Variants in RSPH1 observed in about 807,000 individuals in gnomAD.
The protein encoded by RSPH1 is radial spoke head 1 homolog.
Under a neutral mutation model 44.2 loss-of-function variants are expected in RSPH1, and 32 were observed. The ratio of observed to expected loss-of-function variants is 0.72; its 90% CI spans 0.55 to 0.97. The LOEUF is 0.97. Among genes scored for constraint, RSPH1 ranks in the 50% least tolerant of loss-of-function variants. RSPH1 has a pLI of 0.00. For synonymous variants in RSPH1, 134 were observed against 147.3 expected (o/e 0.91, Z 0.65); for missense variants, 391 against 398.7 (o/e 0.98, Z 0.16).
chr21:42,479,248 G>A (rs904098439), intron 6 of RSPH1, among the ~76,000 whole-genome samples: 1 of 152,194 alleles, frequency 6.6e-6, no homozygotes, highest in Non-Finnish European at 1.5e-5. Flanking sequence ...AGGCCCTTCT[G>A]TTCCACCACC....
chr21:42,492,613 A>C (rs965718936), intron 3 of RSPH1, 145 bp downstream of exon 3: 17 of 609,592 alleles, frequency 2.8e-5, no homozygotes, highest in African/African-American at 2.8e-4. Context: ...AACACTGTGA[A>C]TATAGTAACA....
At chr21:42,473,820 G>A (rs750013017) in intron 8 of RSPH1, among the ~76,000 whole-genome samples, 10 of 152,090 alleles carry the variant, frequency 6.6e-5, no homozygotes, top group African/African-American at 1.2e-4. Context: ...ATTCAGCACC[G>A]TCCCCGGCCT....
At chr21:42,494,231 AT>A (rs1202231253) in intron 1 of RSPH1, among the ~76,000 whole-genome samples, 1 of 152,230 alleles carries the variant, frequency 6.6e-6, no homozygotes, top group East Asian at 1.9e-4. Context: ...ATCACACTGT[AT>A]TTCTTAAATA....
At chr21:42,482,173 G>A (rs905908257) in intron 6 of RSPH1, among the ~76,000 whole-genome samples, 4 of 152,062 alleles carry the variant, frequency 2.6e-5, no homozygotes, top group East Asian at 3.9e-4. Flanking sequence ...AAACTCCGCC[G>A]CCCAGGTTTA....
chr21:42,478,899 T>C (rs560047753), intron 6 of RSPH1, among the ~76,000 whole-genome samples: 1 of 152,318 alleles, frequency 6.6e-6, no homozygotes, highest in East Asian at 1.9e-4. Context: ...AATTCATCTA[T>C]ATGCGACATC....
chr21:42,477,655 G>C (rs2054082485), intron 6 of RSPH1, among the ~76,000 whole-genome samples: 1 of 152,138 alleles, frequency 6.6e-6, no homozygotes, highest in African/African-American at 2.4e-5. Context: ...CCAGGGTGAG[G>C]AATAAAGTCT....
chr21:42,481,418 T>C (rs73227534), intron 6 of RSPH1, among the ~76,000 whole-genome samples: 611 of 152,298 alleles, frequency 4.0e-3, no homozygotes, highest in Non-Finnish European at 6.8e-3. Flanking sequence ...CAGGAATTCC[T>C]TTATAGCAGC....
chr21:42,480,802 G>A (rs917574829), intron 6 of RSPH1, among the ~76,000 whole-genome samples: 2 of 152,162 alleles, frequency 1.3e-5, no homozygotes, highest in African/African-American at 2.4e-5. Context: ...CAGAGCAGGT[G>A]CGGGACAGGC....
At chr21:42,484,726 G>A (rs2054161327) in intron 5 of RSPH1, 2 of 152,134 alleles carry the variant, frequency 1.3e-5, no homozygotes, top group Admixed American at 1.3e-4. Context: ...GATTCTTCCA[G>A]ATTCATTTTC....
chr21:42,496,157 C>T lies in RSPH1; in HGVS notation c.30G>A (p.Glu10=), dbSNP rs2054286648. MSDLGSEEL[E]EEGENDIGEY... Reference sequence around the variant, plus strand: ...CCCCAATATCATTCTCTCCCTCCTCCTCCAACTCCTCCGAGCCCAGGTCCG... The same window carrying T: ...CCCCAATATCATTCTCTCCCTCCTCTTCCAACTCCTCCGAGCCCAGGTCCG... Residue 10 remains glutamate, a synonymous_variant, in exon 1 of 9, where the codon GAG becomes GAA. Coordinates refer to ENST00000291536, the MANE Select transcript of RSPH1 (RefSeq NM_080860.4). 17 of 1,614,186 alleles carry T rather than the reference C, an allele frequency of 1.1e-5. No homozygotes were observed. Among genetic ancestry groups the T allele is most frequent in the Non-Finnish European group, 1.4e-5 (17 of 1,180,016 alleles).
At chr21:42,494,774 A>T (rs917542988) in intron 1 of RSPH1, among the ~76,000 whole-genome samples, 1 of 149,568 alleles carries the variant, frequency 6.7e-6, no homozygotes, top group Non-Finnish European at 1.5e-5. Context: ...ATCTCGGCTC[A>T]CTGCAACCTC....
chr21:42,491,459 G>T (rs1424648811), intron 3 of RSPH1, among the ~76,000 whole-genome samples: 1 of 152,168 alleles, frequency 6.6e-6, no homozygotes, highest in Non-Finnish European at 1.5e-5. Context: ...ATCTTCGTGT[G>T]TGTGTGTGTT....
chr21:42,486,035 G>C, intron 4 of RSPH1: 2 of 604,560 alleles, frequency 3.3e-6, no homozygotes, highest in South Asian at 2.0e-5. Flanking sequence ...CAAGCCTCCT[G>C]TGTGTCAGCT....
intron 1 of RSPH1, among the ~76,000 whole-genome samples, chr21:42,493,980 G>A (rs1407252470): frequency 6.6e-6 from 1 of 152,174 alleles, no homozygotes; most frequent in Non-Finnish European, 1.5e-5. Flanking sequence ...TCAAAGTCCT[G>A]GACTCAAGCG....
Position 42,477,415 on chromosome 21 carries a change from T to C in RSPH1, c.603A>G (p.Glu201=), listed in dbSNP as rs770766659. 1.2e-6 allele frequency: 2 copies of C among 1,614,150 alleles called. No individual in the cohort carries two copies. The highest frequency in any genetic ancestry group is 1.1e-5 in the South Asian group (1 of 91,086). Residue 201 remains glutamate, a synonymous_variant, in exon 7 of 9, where the codon GAA becomes GAG. Coordinates refer to ENST00000291536, the MANE Select transcript of RSPH1 (RefSeq NM_080860.4). ...TCCATTTTGGAACAACAGTTACTAA[T>C]TCTTCCTCCTCTTCCTCTTCTCCTC... The part of the protein sequence containing the change: ...MERGEEEEEE[E]LVTVVPKWKA...
intron 4 of RSPH1, chr21:42,486,091 G>C: frequency 1.7e-6 from 1 of 573,826 alleles, no homozygotes; most frequent in Non-Finnish European, 3.1e-6. Flanking sequence ...TGTGGCTCAG[G>C]TCCCCCAGTG....
chr21:42,472,895 T>C (rs2146636716), intron 8 of RSPH1, 25 bp from the exon 9 acceptor site: 1 of 1,491,530 alleles, frequency 6.7e-7, no homozygotes, highest in Non-Finnish European at 9.3e-7. Flanking sequence ...GAAACATGAG[T>C]ATATCTCATA....
At chr21:42,478,150 G>A (rs972920102) in intron 6 of RSPH1, among the ~76,000 whole-genome samples, 6 of 152,254 alleles carry the variant, frequency 3.9e-5, no homozygotes, top group Non-Finnish European at 5.9e-5. Context: ...ATTTTGCCAA[G>A]CATATTTGCC....
chr21:42,495,658 T>G (rs2054280297), intron 1 of RSPH1, among the ~76,000 whole-genome samples: 2 of 152,220 alleles, frequency 1.3e-5, no homozygotes, highest in Non-Finnish European at 2.9e-5. Context: ...AACCCTCTCC[T>G]GAGCCCAGGG....
Sources: gnomAD v4.1 joint callset for allele counts (sites outside exome capture counted in the v4.1 genomes callset) on GRCh38, gnomAD v4.1.1 for gene constraint, MANE v1.5 for transcripts, NCBI Gene and HGNC (gene_info 2026-07-23, HGNC 2026-07-21) for gene names.